The following LEPR variants were observed in gnomAD, a reference collection of about 807,000 sequenced individuals.
The protein encoded by LEPR is leptin receptor.
In LEPR, 56 loss-of-function variants were observed where a neutral mutation model predicts 114.7. The observed-to-expected ratio is 0.49, with a 90% CI of 0.39 to 0.61. The LOEUF is 0.61. Ranked by LOEUF, LEPR falls within the 20% of genes least tolerant of loss-of-function variation. The probability of loss-of-function intolerance (pLI) is 0.00; values close to 1 mark genes in which losing one functional copy is unlikely to be tolerated. For synonymous variants in LEPR, 443 were observed against 461.4 expected (o/e 0.96, Z 0.51); for missense variants, 1,202 against 1,352.9 (o/e 0.89, Z 1.75).
chr1:65,616,144 C>A lies in LEPR; in HGVS notation c.2132C>A (p.Thr711Asn). Residue 711 changes from threonine (T) to asparagine (N), a missense_variant, in exon 15 of 20, where the codon ACT becomes AAT. By Grantham distance (65) the Thr-to-Asn change is moderately conservative. Coordinates refer to ENST00000349533, the MANE Select transcript of LEPR (RefSeq NM_002303.6). Reference protein sequence around the residue: ...FTFLWTEQAHTVTVLAINSIG... With the variant: ...FTFLWTEQAHNVTVLAINSIG... ...TTCCTGTGGACAGAGCAAGCACATA[C>A]TGTTACGGTTCTGGCCATCAATTCA... is the stretch of plus-strand genomic sequence containing the variant. The A allele has an allele frequency of 6.2e-7, 1 of 1,614,180 alleles. No individual in the cohort carries two copies. The highest frequency in any genetic ancestry group is 8.5e-7 in the Non-Finnish European group (1 of 1,180,022).
At chr1:65,632,397 A>G (rs1375695252) in intron 19 of LEPR, among the ~76,000 whole-genome samples, 1 of 152,158 alleles carries the variant, frequency 6.6e-6, no homozygotes, top group East Asian at 1.9e-4. Context: ...CCCTCAGGTT[A>G]TGAGGAACCA....
chr1:65,624,246 TAGTA>T (rs1658058555), intron 19 of LEPR, among the ~76,000 whole-genome samples: 1 of 152,180 alleles, frequency 6.6e-6, no homozygotes, highest in Admixed American at 6.5e-5. Flanking sequence ...ACTTGTGACA[TAGTA>T]AGGTCTCAAC....
chr1:65,430,049 G>GT (rs1646456642), intron 2 of LEPR: 1 of 1,554,830 alleles, frequency 6.4e-7, no homozygotes, highest in Non-Finnish European at 8.8e-7. Flanking sequence ...TGTGGCTGTG[G>GT]TAAGTTTTAT....
chr1:65,633,255 G>T lies in LEPR; in HGVS notation c.2674-2936G>T. 1 of 1,567,932 alleles carries T rather than the reference G, an allele frequency of 6.4e-7. No individual in the cohort carries two copies. The highest frequency in any genetic ancestry group is 1.2e-5 in the South Asian group (1 of 81,982). On this transcript the variant is annotated intron_variant, in intron 19 of 19. Coordinates refer to ENST00000349533, the MANE Select transcript of LEPR (RefSeq NM_002303.6). This position sits in a 1 kb window ranked among gnomAD's most constrained non-coding sequence, Gnocchi z 4.1. ...TATTAGAAGATTTTTACATTTTGAA[G>T]AAGGGGAGCAAATCTAAAAAAAATT... is the stretch of plus-strand genomic sequence containing the variant.
intron 5 of LEPR, chr1:65,576,775 A>G: frequency 9.1e-6 from 2 of 219,892 alleles, no homozygotes; most frequent in Non-Finnish European, 1.9e-5. Context: ...CCCGGCCTTC[A>G]GGAGATCCAT....
chr1:65,585,387 A>G (rs2100865564), intron 5 of LEPR, among the ~76,000 whole-genome samples: 1 of 152,184 alleles, frequency 6.6e-6, no homozygotes, highest in East Asian at 1.9e-4. Context: ...AAGCTTTAAT[A>G]TATTCACATT....
At chr1:65,473,805 C>G (rs1173533968) in intron 2 of LEPR, among the ~76,000 whole-genome samples, 1 of 152,120 alleles carries the variant, frequency 6.6e-6, no homozygotes, top group East Asian at 1.9e-4. Context: ...TGCAGCAAAC[C>G]AAAACCCGTA....
At chr1:65,481,822 TAA>T (rs76503407) in intron 2 of LEPR, among the ~76,000 whole-genome samples, 14 of 117,166 alleles carry the variant, frequency 1.2e-4, no homozygotes, top group African/African-American at 3.9e-4. Flanking sequence ...CTAATGTTAC[TAA>T]AAAAAAAAAA....
At chr1:65,471,228 G>A (rs1054612517) in intron 2 of LEPR, among the ~76,000 whole-genome samples, 9 of 152,208 alleles carry the variant, frequency 5.9e-5, no homozygotes, top group African/African-American at 1.9e-4. Context: ...CTGACTGATT[G>A]CTTATTGAAT....
rs1312840112 is a variant in LEPR at position 65,641,484 on chromosome 1, A to G, written c.*4469A>G. ...AGTCACAGAGAAAGCAGTGTACTTT[A>G]TGACAGTATATTTATCTTTTTATCA... On this transcript the variant is annotated 3_prime_UTR_variant, in exon 20 of 20. Transcript: ENST00000349533. 1.3e-5 allele frequency: 2 copies of G among 152,214 alleles called. No homozygotes were observed. The highest frequency in any genetic ancestry group is 2.4e-5 in the African/African-American group (1 of 41,452). The allele number at this position is 152,214 out of a possible 1,614,324, so 9.4% of individuals were successfully genotyped here. A position where few individuals can be genotyped will look rare whatever the true frequency, so the allele number is the denominator to read the frequency against.
At chr1:65,566,403 G>A (rs1347707830) in intron 3 of LEPR, among the ~76,000 whole-genome samples, 5 of 151,952 alleles carry the variant, frequency 3.3e-5, no homozygotes, top group Non-Finnish European at 7.4e-5. Context: ...GGGTTTCACT[G>A]CGTTGGCCAG....
At chr1:65,557,760 A>G (rs1447347691) in intron 2 of LEPR, among the ~76,000 whole-genome samples, 1 of 152,128 alleles carries the variant, frequency 6.6e-6, no homozygotes, top group Admixed American at 6.5e-5. Context: ...ACTTCTTTAT[A>G]TTCCTTTTTG....
chr1:65,502,450 G>A (rs796351361), intron 2 of LEPR, among the ~76,000 whole-genome samples: 12 of 151,720 alleles, frequency 7.9e-5, no homozygotes, highest in African/African-American at 2.9e-4. Context: ...TTTTATGGCA[G>A]CTTAGCAAAC....
Position 65,633,671 on chromosome 1 carries a change from C to A in LEPR, c.2674-2520C>A. On this transcript the variant is annotated intron_variant, in intron 19 of 19. Transcript: ENST00000349533. This position sits in a 1 kb window ranked among gnomAD's most constrained non-coding sequence, Gnocchi z 4.1. ...TGTCCAAACTTTTCCATTTTAGATTCCTTTATAGACACGTCAGCCTAAAAA... is the reference window on the plus strand; with the variant it reads ...TGTCCAAACTTTTCCATTTTAGATTACTTTATAGACACGTCAGCCTAAAAA... The A allele has an allele frequency of 1.0e-6, 1 of 985,758 alleles. No individual in the cohort carries two copies. The highest frequency in any genetic ancestry group is 6.1e-5 in the Admixed American group (1 of 16,296). The allele number at this position is 985,758 out of a possible 1,614,324, so 61.1% of individuals were successfully genotyped here. A position where few individuals can be genotyped will look rare whatever the true frequency, so the allele number is the denominator to read the frequency against.
chr1:65,461,492 T>C (rs376587983), intron 2 of LEPR, among the ~76,000 whole-genome samples: 2 of 152,282 alleles, frequency 1.3e-5, no homozygotes, highest in East Asian at 3.9e-4. Flanking sequence ...ACAGAAAAAC[T>C]TGAGCAACAA....
chr1:65,522,153 G>A (rs1044684599), intron 2 of LEPR, among the ~76,000 whole-genome samples: 2 of 152,120 alleles, frequency 1.3e-5, no homozygotes, highest in African/African-American at 2.4e-5. Context: ...TAAAACTACA[G>A]TCAGTTCAAC....
Position 65,420,796 on chromosome 1 carries a change from G to C in LEPR, c.-97+56G>C, listed in dbSNP as rs903265562. On this transcript the variant is annotated intron_variant, in intron 1 of 19. Coordinates refer to ENST00000349533, the MANE Select transcript of LEPR (RefSeq NM_002303.6). ...GTGGTGGGGTTGCCACCTCCGTTCC[G>C]GTCAAGCCTGGGGCTGCGCCTTCCG... 16 of 1,553,710 alleles carry C rather than the reference G, an allele frequency of 1.0e-5. No homozygotes were observed. In the African/African-American group the frequency reaches 1.9e-4, roughly 19 times the overall value.
At chr1:65,429,054 G>A (rs1444341109) in intron 2 of LEPR, among the ~76,000 whole-genome samples, 1 of 152,158 alleles carries the variant, frequency 6.6e-6, no homozygotes, top group African/African-American at 2.4e-5. Context: ...AGGCCCTGGA[G>A]ATAAATGGCG....
At chr1:65,523,696 C>T (rs1649753976) in intron 2 of LEPR, among the ~76,000 whole-genome samples, 1 of 152,154 alleles carries the variant, frequency 6.6e-6, no homozygotes, top group South Asian at 2.1e-4. Flanking sequence ...GAATGACACC[C>T]GATACCACAG....
Sources: gnomAD v4.1 joint callset for allele counts (sites outside exome capture counted in the v4.1 genomes callset) on GRCh38, gnomAD v4.1.1 for gene constraint, Gnocchi (gnomAD v3.1) non-coding constraint, MANE v1.5 for transcripts, NCBI Gene and HGNC (gene_info 2026-07-23, HGNC 2026-07-21) for gene names.